The following LINGO2 variants were observed in gnomAD, a reference collection of about 807,000 sequenced individuals.
The protein encoded by LINGO2 is leucine-rich repeat and immunoglobulin-like domain-containing nogo receptor-interacting protein 2.
In LINGO2, 14 loss-of-function variants were observed where a neutral mutation model predicts 30.6. The observed-to-expected ratio is 0.46, with a 90% CI of 0.30 to 0.72. LINGO2 has a LOEUF of 0.72. Among genes scored for constraint, LINGO2 ranks in the 30% least tolerant of loss-of-function variants. LINGO2 has a pLI of 0.07. For missense variants in LINGO2, 729 were observed against 751.7 expected (o/e 0.97, Z 0.35); for synonymous variants, 317 against 288.5 (o/e 1.10, Z -1.00).
chr9:28,252,647 C>T lies in LINGO2; in HGVS notation c.-87+42561G>A, dbSNP rs149647634. Among the ~76,000 whole-genome samples the T allele has an allele frequency of 2.6e-4, 39 of 151,900 alleles. 1 individual carries two copies. In the East Asian group the frequency reaches 7.2e-3, roughly 28 times the overall value. On this transcript the variant is annotated intron_variant, in intron 4 of 5. Transcript: ENST00000379992. Reference sequence around the variant, plus strand: ...ATGAAAATATATAGTATATTTACTACATATAAGAATAGTATATATAGTACA... The same window carrying T: ...ATGAAAATATATAGTATATTTACTATATATAAGAATAGTATATATAGTACA...
chr9:28,863,929 T>G, the LINGO2 span, among the ~76,000 whole-genome samples: 3 of 152,048 alleles, frequency 2.0e-5, no homozygotes, highest in African/African-American at 7.2e-5. Flanking sequence ...ACCAGTAAAT[T>G]TCATTTAAAA....
intron 4 of LINGO2, among the ~76,000 whole-genome samples, chr9:28,217,609 T>G (rs1820813867): frequency 6.6e-6 from 1 of 152,034 alleles, no homozygotes; most frequent in Non-Finnish European, 1.5e-5. Context: ...ATATTTTTCT[T>G]CTTCTAATGT....
the LINGO2 span, among the ~76,000 whole-genome samples, chr9:29,086,009 A>C: frequency 1.3e-5 from 2 of 152,190 alleles, no homozygotes; most frequent in African/African-American, 4.8e-5. Flanking sequence ...GTTTTTCTGG[A>C]AGATATAAAG....
intron 2 of LINGO2, among the ~76,000 whole-genome samples, chr9:28,393,018 G>GA: frequency 1.3e-5 from 2 of 152,304 alleles, no homozygotes; most frequent in Middle Eastern, 6.8e-3. Context: ...AACCTTGTCA[G>GA]AAAGTCATTT....
Position 28,670,191 on chromosome 9 carries a change from G to C in LINGO2, c.-365+9C>G, listed in dbSNP as rs112892352. The C allele has an allele frequency of 9.9e-5, 15 of 152,030 alleles. No homozygotes were observed. The highest frequency in any genetic ancestry group is 3.6e-4 in the African/African-American group (15 of 41,522). The allele number at this position is 152,030 out of a possible 1,614,324, so 9.4% of individuals were successfully genotyped here. On this transcript the variant is annotated intron_variant, in intron 1 of 5. Transcript: ENST00000379992. ...CTGAAAATACAATTGAAATAAATTTGGCATTTACCTCATGTGATTAAAAAT... is the reference window on the plus strand; with the variant it reads ...CTGAAAATACAATTGAAATAAATTTCGCATTTACCTCATGTGATTAAAAAT...
chr9:28,933,399 T>C, the LINGO2 span, among the ~76,000 whole-genome samples: 2 of 152,242 alleles, frequency 1.3e-5, no homozygotes, highest in Non-Finnish European at 2.9e-5. Context: ...GCCAATCGCA[T>C]AAGAACTCTT....
intron 2 of LINGO2, among the ~76,000 whole-genome samples, chr9:28,420,290 A>G (rs987340022): frequency 6.6e-6 from 1 of 152,236 alleles, no homozygotes; most frequent in Non-Finnish European, 1.5e-5. Context: ...CTTAATTACA[A>G]GGTCAATTTT....
At chr9:28,901,656 A>T in the LINGO2 span, among the ~76,000 whole-genome samples, 3 of 151,724 alleles carry the variant, frequency 2.0e-5, no homozygotes, top group Non-Finnish European at 4.4e-5. Context: ...TACCTATGAG[A>T]TGTTTTACAT....
chr9:29,066,514 C>T, the LINGO2 span, among the ~76,000 whole-genome samples: 2 of 151,930 alleles, frequency 1.3e-5, no homozygotes, highest in Non-Finnish European at 2.9e-5. Flanking sequence ...ATCATAGTGG[C>T]ACCCTAGAGA....
chr9:28,153,086 A>G (rs1828042984), intron 4 of LINGO2, among the ~76,000 whole-genome samples: 1 of 152,194 alleles, frequency 6.6e-6, no homozygotes, highest in South Asian at 2.1e-4. Flanking sequence ...CTATTCATCT[A>G]TCAGAGAAGC....
chr9:28,697,956 A>G, the LINGO2 span, among the ~76,000 whole-genome samples: 1 of 152,108 alleles, frequency 6.6e-6, no homozygotes, highest in Non-Finnish European at 1.5e-5. Context: ...TAGATGCAAA[A>G]TTTTGTCAAA....
chr9:28,382,958 A>G (rs1482156219), intron 2 of LINGO2, among the ~76,000 whole-genome samples: 2 of 152,092 alleles, frequency 1.3e-5, no homozygotes, highest in African/African-American at 2.4e-5. Context: ...TTTATTTCAT[A>G]TAACAAATAT....
At chr9:28,765,470 G>T in the LINGO2 span, among the ~76,000 whole-genome samples, 1 of 152,030 alleles carries the variant, frequency 6.6e-6, no homozygotes, top group Non-Finnish European at 1.5e-5. Context: ...CTAGTGAGAG[G>T]TGTTTGGATC....
At chr9:28,001,782 A>T (rs922555779) in intron 5 of LINGO2, among the ~76,000 whole-genome samples, 2 of 152,208 alleles carry the variant, frequency 1.3e-5, no homozygotes, top group African/African-American at 4.8e-5. Flanking sequence ...CATTGTTTAC[A>T]AGAGGCTTAC....
chr9:28,374,678 T>C (rs928749672), intron 2 of LINGO2, among the ~76,000 whole-genome samples: 3 of 152,126 alleles, frequency 2.0e-5, no homozygotes, highest in African/African-American at 7.2e-5. Context: ...TGTTTCAATA[T>C]TGATAAGCAA....
the LINGO2 span, among the ~76,000 whole-genome samples, chr9:28,837,379 C>T: frequency 6.6e-6 from 1 of 151,884 alleles, no homozygotes; most frequent in African/African-American, 2.4e-5. Flanking sequence ...AGCGTGGTGG[C>T]TCATGCCTAT....
chr9:27,967,667 A>T (rs988107779), intron 5 of LINGO2, among the ~76,000 whole-genome samples: 1 of 152,206 alleles, frequency 6.6e-6, no homozygotes, highest in Non-Finnish European at 1.5e-5. Context: ...ATCTATTTAT[A>T]TCAACTATCT....
intron 4 of LINGO2, among the ~76,000 whole-genome samples, chr9:28,154,212 T>C (rs1456469979): frequency 6.6e-6 from 1 of 152,204 alleles, no homozygotes; most frequent in Non-Finnish European, 1.5e-5. Context: ...ATCAAAGACA[T>C]AATTGTATAG....
intron 1 of LINGO2, among the ~76,000 whole-genome samples, chr9:28,489,086 G>T (rs1476357995): frequency 6.6e-6 from 1 of 152,166 alleles, no homozygotes; most frequent in East Asian, 1.9e-4. Context: ...GATGCATATA[G>T]GGTAGAGGTG....
Sources: allele counts gnomAD v4.1 joint callset (sites outside exome capture counted in the v4.1 genomes callset), GRCh38; gene constraint gnomAD v4.1.1; transcripts MANE v1.5; gene names NCBI Gene and HGNC (gene_info 2026-07-23, HGNC 2026-07-21).